Variants in C11orf98 observed in about 807,000 individuals in gnomAD.
The protein encoded by C11orf98 is 28S rRNA/ribosome and sororin micro-cofactor.
Under a neutral mutation model 10.9 loss-of-function variants are expected in C11orf98, and 7 were observed. That is an observed-to-expected ratio of 0.64 (90% CI 0.37 to 1.21). The LOEUF (loss-of-function observed/expected upper bound fraction) is 1.21, where lower values mean the gene tolerates loss of function less well. Among genes scored for constraint, C11orf98 ranks in the 50% most tolerant of loss-of-function variants. The pLI, the probability that C11orf98 is intolerant of heterozygous loss-of-function variation, is 0.02. For missense variants in C11orf98, 181 were observed against 153.7 expected (o/e 1.18, Z -0.94); for synonymous variants, 70 against 57.2 (o/e 1.22, Z -1.01).
At position 62,662,860 on chromosome 11, in the gene C11orf98, G is replaced by A; in HGVS notation, c.*190C>T. 1.7e-6 allele frequency: 1 copy of A among 592,694 alleles called. No individual in the cohort carries two copies. Among genetic ancestry groups the A allele is most frequent in the Non-Finnish European group, 3.0e-6 (1 of 335,426 alleles). The allele number at this position is 592,694 out of a possible 1,614,324, so 36.7% of individuals were successfully genotyped here. On this transcript the variant is annotated 3_prime_UTR_variant, in exon 4 of 4. Transcript: ENST00000524958. ...ATTACAAATGGAGTTGACTGCTAGAGAGGCCCTTCTCCAATCTTTCTTCTG... is the reference window on the plus strand; with the variant it reads ...ATTACAAATGGAGTTGACTGCTAGAAAGGCCCTTCTCCAATCTTTCTTCTG...
intron 2 of C11orf98, among the ~76,000 whole-genome samples, chr11:62,664,082 G>GA (rs71056540): frequency 9.3e-3 from 612 of 65,856 alleles, no homozygotes; most frequent in East Asian, 0.023. Flanking sequence ...CAAAAAAGAG[G>GA]AAAAAAAAAA....
At chr11:62,664,082 G>GAAAAAAAAAAAAAAAAAA (rs71056540) in intron 2 of C11orf98, among the ~76,000 whole-genome samples, 1 of 65,944 alleles carries the variant, frequency 1.5e-5, no homozygotes, top group Admixed American at 1.9e-4. Flanking sequence ...CAAAAAAGAG[G>GAAAAAAAAAAAAAAAAAA]AAAAAAAAAA....
In C11orf98 at chr11:62,663,078, T is replaced by C; in HGVS notation, c.344A>G (p.Glu115Gly). ...QKKTKAPQDV[E>G]MKDLEDES ...GCTCTCATCTTCAAGGTCCTTCATT[T>C]CTACATCCTGGGGGGCTTTTGTCTT... is the stretch of plus-strand genomic sequence containing the variant. Residue 115 changes from glutamate (E) to glycine (G), a missense_variant, in exon 4 of 4, where the codon GAA (glutamate) becomes GGA (glycine). Coordinates refer to ENST00000524958, the MANE Select transcript of C11orf98 (RefSeq NM_001286086.2). The C allele has an allele frequency of 6.2e-7, 1 of 1,610,038 alleles. No individual in the cohort carries two copies.
At chr11:62,664,752 C>CTT in intron 2 of C11orf98, 97 bp downstream of exon 2, 1 of 1,462,982 alleles carries the variant, frequency 6.8e-7, no homozygotes, top group Non-Finnish European at 9.3e-7. Flanking sequence ...AGCGTCAGTG[C>CTT]ACAAGGTGAG....
At chr11:62,664,719 A>T (rs1944747368) in intron 2 of C11orf98, 130 bp downstream of exon 2, 1 of 1,236,896 alleles carries the variant, frequency 8.1e-7, no homozygotes, top group Admixed American at 2.6e-5. Flanking sequence ...AGGAACTAAC[A>T]GCCGACAGAC....
chr11:62,663,183 A>T (rs1309484039), intron 3 of C11orf98, 24 bp from the exon 4 acceptor site: 2 of 1,613,838 alleles, frequency 1.2e-6, no homozygotes, highest in South Asian at 2.2e-5. Flanking sequence ...AGAAGGAAGT[A>T]TTATCCCAAA....
Position 62,663,029 on chromosome 11 carries a change from G to T in C11orf98, c.*21C>A. 6.5e-7 allele frequency: 1 copy of T among 1,535,626 alleles called. No homozygotes were observed. The highest frequency in any genetic ancestry group is 9.0e-7 in the Non-Finnish European group (1 of 1,116,600). ...GAGTCTGAAGGCTGGCTCCAGTTGA[G>T]AATCTTCTAGTGGAAGAGGTTTAGC... On this transcript the variant is annotated 3_prime_UTR_variant, in exon 4 of 4. Coordinates refer to ENST00000524958, the MANE Select transcript of C11orf98 (RefSeq NM_001286086.2).
chr11:62,663,857 G>A (rs1182646808), intron 2 of C11orf98, among the ~76,000 whole-genome samples: 2 of 151,612 alleles, frequency 1.3e-5, no homozygotes, highest in Non-Finnish European at 2.9e-5. Flanking sequence ...CGGATCACCT[G>A]AGGTCAGGAG....
chr11:62,664,984 G>GA lies in C11orf98; in HGVS notation c.40-12dup. The GA allele has an allele frequency of 6.2e-7, 1 of 1,609,316 alleles. No individual in the cohort carries two copies. The highest frequency in any genetic ancestry group is 1.1e-5 in the South Asian group (1 of 90,952). On this transcript the variant is annotated splice_polypyrimidine_tract_variant and intron_variant, in intron 1 of 3. Coordinates refer to ENST00000524958, the MANE Select transcript of C11orf98 (RefSeq NM_001286086.2). Reference sequence around the variant, plus strand: ...CTTCTTCTTCAGCTCCTGCCGGGGAGAAAGATGCGAATCAGATGGAGTGGG... The same window carrying GA: ...CTTCTTCTTCAGCTCCTGCCGGGGAGAAAAGATGCGAATCAGATGGAGTGGG...
rs147820734 is a variant in C11orf98, at chr11:62,664,031, C to A, written c.165-698G>T. On this transcript the variant is annotated intron_variant, in intron 2 of 3. Coordinates refer to ENST00000524958, the MANE Select transcript of C11orf98 (RefSeq NM_001286086.2). ...GGGGTTGCAGTGAGCCGAGATCATG[C>A]CACTTCACTCCAGCCTGGGCAACAG... Among the ~76,000 whole-genome samples, 321 of 146,814 alleles carry A rather than the reference C, an allele frequency of 2.2e-3. 2 individuals carry two copies. The highest frequency in any genetic ancestry group is 7.6e-3 in the African/African-American group (302 of 39,932).
chr11:62,663,386 T>C (rs576306759), intron 2 of C11orf98, 53 bp from the exon 3 acceptor site: 2 of 1,556,270 alleles, frequency 1.3e-6, no homozygotes, highest in Non-Finnish European at 1.8e-6. Context: ...CCAACTGAGG[T>C]CACACAAATA....
chr11:62,663,210 C>T, intron 3 of C11orf98, 26 bp downstream of exon 3: 3 of 1,613,816 alleles, frequency 1.9e-6, no homozygotes, highest in Non-Finnish European at 2.5e-6. Flanking sequence ...CAGGATTCCC[C>T]TCACCCACCT....
chr11:62,663,093 G>A lies in C11orf98; in HGVS notation c.329C>T (p.Ala110Val), dbSNP rs186673653. The change falls in exon 4 of 4, where the codon GCC becomes GTC. Residue 110 changes from alanine (A) to valine (V), a missense_variant. Physicochemically the swap from Ala to Val is moderately conservative, Grantham distance 64 (BLOSUM62 0). Transcript: ENST00000524958. ...GTCCTTCATTTCTACATCCTGGGGG[G>A]CTTTTGTCTTCTTTTGCCTTTTGAG... ...PQLKRQKKTK[A>V]PQDVEMKDLE... 63 of 1,612,918 alleles carry A rather than the reference G, an allele frequency of 3.9e-5. No individual in the cohort carries two copies. The African/African-American group carries it at 6.8e-4, about 17-fold the overall frequency.
chr11:62,664,219 G>A (rs748789595), intron 2 of C11orf98, among the ~76,000 whole-genome samples: 3 of 151,416 alleles, frequency 2.0e-5, no homozygotes, highest in Non-Finnish European at 4.4e-5. Context: ...AGTTTTATGC[G>A]CCTATGTGTG....
In C11orf98 at chr11:62,664,880, G is replaced by A. The variant is rs1944751595; in HGVS notation, c.133C>T (p.Leu45=). 3 of 1,584,180 alleles carry A rather than the reference G, an allele frequency of 1.9e-6. No homozygotes were observed. In the East Asian group the frequency reaches 6.9e-5, roughly 36 times the overall value. ...TTCTTGAGGTGGTGCCGCGTGATCA[G>A]CCCTTGGTCTATCACAGCCCCGACC... ...RVVGAVIDQG[L]ITRHHLKKRA... is the part of the protein sequence containing the mutation. Residue 45 remains leucine, a synonymous_variant, in exon 2 of 4, where the codon CTG becomes TTG. Coordinates refer to ENST00000524958, the MANE Select transcript of C11orf98 (RefSeq NM_001286086.2).
Position 62,665,134 on chromosome 11 carries a change from T to G in C11orf98, c.36A>C (p.Arg12=). ...GTCGCGGCCCCCACACAGTCACCGT[T>G]CGGGGCCGGTTGATCTTTCCCCCCG... The part of the protein sequence containing the change: ...GAPGGKINRP[R]TELKKKLFKR... The change falls in exon 1 of 4, where the codon CGA becomes CGC. Residue 12 remains arginine (R), a synonymous_variant. Coordinates refer to ENST00000524958, the MANE Select transcript of C11orf98 (RefSeq NM_001286086.2). 1 of 1,076,678 alleles carries G rather than the reference T, an allele frequency of 9.3e-7. No individual in the cohort carries two copies. Among genetic ancestry groups the G allele is most frequent in the Non-Finnish European group, 1.4e-6 (1 of 727,134 alleles). The allele number at this position is 1,076,678 out of a possible 1,614,324, so 66.7% of individuals were successfully genotyped here.
At position 62,665,183 on chromosome 11, in the gene C11orf98, C is replaced by T. The variant is rs1656700676; in HGVS notation, c.-14G>A. 3 of 819,466 alleles carry T rather than the reference C, an allele frequency of 3.7e-6. No homozygotes were observed. The highest frequency in any genetic ancestry group is 6.1e-6 in the Non-Finnish European group (3 of 491,716). 50.8% of individuals were successfully genotyped at this position (819,466 alleles called of 1,614,324 possible). A position where few individuals can be genotyped will look rare whatever the true frequency, so the allele number is the denominator to read the frequency against. On this transcript the variant is annotated 5_prime_UTR_variant, in exon 1 of 4. The change creates a new upstream start codon in the 5' untranslated region. Transcript: ENST00000524958. ...CGGAGCTCCCATAGTCGCGATTCCA[C>T]TCCAGTTCACGGTCCGTACTTCCGC...
In C11orf98 at chr11:62,662,831, C is replaced by T; in HGVS notation, c.*219G>A. On this transcript the variant is annotated 3_prime_UTR_variant, in exon 4 of 4. Coordinates refer to ENST00000524958, the MANE Select transcript of C11orf98 (RefSeq NM_001286086.2). The stretch of plus-strand genomic sequence containing the variant: ...TCACACACATCTCAGAGTGCTAGGG[C>T]TTTATTACAAATGGAGTTGACTGCT... 1.8e-6 allele frequency: 1 copy of T among 559,102 alleles called. No homozygotes were observed. The highest frequency in any genetic ancestry group is 3.1e-6 in the Non-Finnish European group (1 of 318,208). 34.6% of individuals were successfully genotyped at this position (559,102 alleles called of 1,614,324 possible). A position where few individuals can be genotyped will look rare whatever the true frequency, so the allele number is the denominator to read the frequency against.
At chr11:62,663,693 CA>C (rs552135889) in intron 2 of C11orf98, among the ~76,000 whole-genome samples, 3,454 of 60,110 alleles carry the variant, frequency 0.057, 49 homozygotes, top group Non-Finnish European at 0.083. Context: ...GACTCCGTCT[CA>C]AAAAAAAAAA....
Sources: allele counts gnomAD v4.1 joint callset (sites outside exome capture counted in the v4.1 genomes callset), GRCh38; gene constraint gnomAD v4.1.1; transcripts MANE v1.5; gene names NCBI Gene and HGNC (gene_info 2026-07-23, HGNC 2026-07-21).